Variants in CHL1 observed in about 807,000 individuals in gnomAD.
CHL1 encodes the protein neural cell adhesion molecule L1-like protein.
In CHL1, 96 loss-of-function variants were observed where a neutral mutation model predicts 141.9. That is an observed-to-expected ratio of 0.68 (90% confidence interval 0.57 to 0.80). The LOEUF (loss-of-function observed/expected upper bound fraction) is 0.80, where lower values mean the gene tolerates loss of function less well. Among genes scored for constraint, CHL1 ranks in the 30% least tolerant of loss-of-function variants. CHL1 has a pLI of 0.00. For synonymous variants in CHL1, 613 were observed against 502.2 expected (o/e 1.22, Z -2.95); for missense variants, 1,820 against 1,457.2 (o/e 1.25, Z -4.05).
At chr3:307,399 G>A (rs1699337103) in intron 2 of CHL1, among the ~76,000 whole-genome samples, 1 of 152,174 alleles carries the variant, frequency 6.6e-6, no homozygotes, top group Non-Finnish European at 1.5e-5. Context: ...TTAAACCTTT[G>A]AGGCATTGTG....
Position 326,033 on chromosome 3 carries a change from G to T in CHL1, c.166G>T (p.Glu56Ter). 1 of 1,611,316 alleles carries T rather than the reference G, an allele frequency of 6.2e-7. No individual in the cohort carries two copies. Among genetic ancestry groups the T allele is most frequent in the East Asian group, 2.2e-5 (1 of 44,744 alleles). The change falls in exon 4 of 28, where the codon GAA (glutamate) becomes TAA (stop). Residue 56 changes from glutamate (E) to a stop codon, truncating the protein, a stop_gained. Coordinates refer to ENST00000256509, the MANE Select transcript of CHL1 (RefSeq NM_006614.4). LOFTEE classifies it high-confidence loss of function. ...AFPFDEYFQIECEAKGNPEPT... is the reference protein window; with the variant it reads ...AFPFDEYFQI ...TCCCTTCGATGAGTATTTTCAAATT[G>T]AATGTGAAGCTAAAGGAAATCCAGA...
chr3:273,819 T>G (rs759068142), intron 2 of CHL1, among the ~76,000 whole-genome samples: 2 of 152,210 alleles, frequency 1.3e-5, no homozygotes, highest in Non-Finnish European at 2.9e-5. Context: ...CTACTAGATG[T>G]GTTTCCTAAC....
rs773989255 is a variant in CHL1 at position 333,509 on chromosome 3, AAAC to A, written c.385+5167_385+5169del. 2.6e-5 allele frequency among the ~76,000 whole-genome samples: 4 copies of A among 151,604 alleles called. No individual in the cohort carries two copies. The East Asian group carries it at 7.9e-4, about 30-fold the overall frequency. ...AAGTTTCCTAGGGAAAGAGTGAAAG[AAAC>A]AACAACAACAAGAACCAAACAAACA... On this transcript the variant is annotated intron_variant, in intron 5 of 27. Coordinates refer to ENST00000256509, the MANE Select transcript of CHL1 (RefSeq NM_006614.4).
chr3:297,862 C>T (rs1698341130), intron 2 of CHL1, among the ~76,000 whole-genome samples: 1 of 152,134 alleles, frequency 6.6e-6, no homozygotes, highest in Non-Finnish European at 1.5e-5. Context: ...GAACTCTTTA[C>T]CCTGATGCAG....
At chr3:213,843 C>G (rs1469659931) in intron 1 of CHL1, among the ~76,000 whole-genome samples, 2 of 151,988 alleles carry the variant, frequency 1.3e-5, no homozygotes, top group Non-Finnish European at 2.9e-5. Flanking sequence ...TAATTTTTAG[C>G]AATATTTTCC....
intron 2 of CHL1, among the ~76,000 whole-genome samples, chr3:283,232 A>T (rs1242697303): frequency 6.6e-6 from 1 of 152,230 alleles, no homozygotes; most frequent in African/African-American, 2.4e-5. Context: ...CACGAATATC[A>T]TTAGCATTCA....
At chr3:378,235 C>T (rs529321627) in intron 16 of CHL1, among the ~76,000 whole-genome samples, 1 of 152,116 alleles carries the variant, frequency 6.6e-6, no homozygotes, top group African/African-American at 2.4e-5. Flanking sequence ...TCCTAGCACT[C>T]TTGAGCTACT....
At chr3:360,185 G>C (rs551350033) in intron 11 of CHL1, 99 bp from the exon 12 acceptor site, 1 of 1,390,858 alleles carries the variant, frequency 7.2e-7, no homozygotes, top group East Asian at 2.4e-5. Flanking sequence ...CCCTAAACTG[G>C]TTTGAAAATA....
chr3:361,529 T>C (rs1704250359), intron 12 of CHL1, among the ~76,000 whole-genome samples, 170 bp from the exon 13 acceptor site: 1 of 152,146 alleles, frequency 6.6e-6, no homozygotes, highest in African/African-American at 2.4e-5. Context: ...TTACAAGAAA[T>C]TGTACTTTCA....
chr3:383,200 G>A (rs900100229), intron 18 of CHL1, among the ~76,000 whole-genome samples: 1 of 152,112 alleles, frequency 6.6e-6, no homozygotes, highest in Admixed American at 6.5e-5. Flanking sequence ...TTTTTGGACT[G>A]AGAAAAAGCA....
chr3:268,091 G>A (rs1049075405), intron 2 of CHL1, among the ~76,000 whole-genome samples: 1 of 152,120 alleles, frequency 6.6e-6, no homozygotes, highest in East Asian at 1.9e-4. Flanking sequence ...GTTTTGCCCC[G>A]ACACATGTTC....
Position 394,858 on chromosome 3 carries a change from C to G in CHL1, c.3080C>G (p.Thr1027Ser). Residue 1027 changes from threonine to serine, a missense_variant, in exon 24 of 28, where the codon ACC (threonine) becomes AGC (serine). Coordinates refer to ENST00000256509, the MANE Select transcript of CHL1 (RefSeq NM_006614.4). ...AAACCGATCACGGAGGAAAGCTCCA[C>G]CTTAGGAGAAGGGAGTAAGTACATG... ...CGKPITEESS[T>S]LGEGSKGIGK... The G allele has an allele frequency of 6.2e-7, 1 of 1,611,118 alleles. No homozygotes were observed. The highest frequency in any genetic ancestry group is 8.5e-7 in the Non-Finnish European group (1 of 1,179,088).
intron 1 of CHL1, chr3:213,304 C>T (rs1344617338): frequency 6.6e-6 from 1 of 152,200 alleles, no homozygotes; most frequent in Admixed American, 6.5e-5. Context: ...CGCTGATAGA[C>T]TGTTCAAGGA....
rs767097207 is a variant in CHL1 at position 326,061 on chromosome 3, C to T, written c.194C>T (p.Pro65Leu). ...TGTGAAGCTAAAGGAAATCCAGAAC[C>T]AACGTGAGTATTGTTTCAAACGAAG... Reference protein sequence around the residue: ...IECEAKGNPEPTFSWTKDGNP... With the variant: ...IECEAKGNPELTFSWTKDGNP... Residue 65 changes from proline (P) to leucine (L), a missense_variant, in exon 4 of 28, where the codon CCA (proline) becomes CTA (leucine). Pro to Leu is a moderately conservative substitution (Grantham distance 98, BLOSUM62 -3). Coordinates refer to ENST00000256509, the MANE Select transcript of CHL1 (RefSeq NM_006614.4). 6 of 1,596,892 alleles carry T rather than the reference C, an allele frequency of 3.8e-6. No individual in the cohort carries two copies. Among genetic ancestry groups the T allele is most frequent in the Admixed American group, 1.7e-5 (1 of 59,534 alleles).
chr3:342,513 G>A (rs1865161), intron 7 of CHL1, among the ~76,000 whole-genome samples: 148,302 of 152,252 alleles, frequency 0.97, 72,352 homozygotes, highest in East Asian at 1. Flanking sequence ...ACCCTTTCCC[G>A]ACTTGATTCT....
intron 5 of CHL1, among the ~76,000 whole-genome samples, chr3:338,215 T>C (rs796160798): frequency 6.6e-6 from 1 of 152,212 alleles, no homozygotes; most frequent in African/African-American, 2.4e-5. Context: ...CAGGATCAAG[T>C]CCAGTCTTGT....
intron 2 of CHL1, among the ~76,000 whole-genome samples, chr3:309,656 C>T (rs916029650): frequency 3.2e-4 from 48 of 151,826 alleles, no homozygotes; most frequent in Non-Finnish European, 6.5e-4. Flanking sequence ...AGTATAGGCA[C>T]GTACCCTATG....
intron 9 of CHL1, among the ~76,000 whole-genome samples, chr3:345,853 C>G (rs1007600414): frequency 2.0e-5 from 3 of 152,146 alleles, no homozygotes; most frequent in Non-Finnish European, 2.9e-5. Context: ...TAAAATTGTT[C>G]CATTTATTAA....
intron 1 of CHL1, among the ~76,000 whole-genome samples, chr3:211,330 G>A (rs533265178): frequency 6.6e-6 from 1 of 152,190 alleles, no homozygotes; most frequent in African/African-American, 2.4e-5. Flanking sequence ...CTAGCGTGTG[G>A]CTAGTACCAT....
Sources: allele counts gnomAD v4.1 joint callset (sites outside exome capture counted in the v4.1 genomes callset), GRCh38; gene constraint gnomAD v4.1.1; transcripts MANE v1.5; gene names NCBI Gene and HGNC (gene_info 2026-07-23, HGNC 2026-07-21).